Variants in NTNG1 observed in about 807,000 individuals in gnomAD.
NTNG1 encodes netrin G1, also known as netrin-G1.
In NTNG1, 16 loss-of-function variants were observed where a neutral mutation model predicts 54.0. The ratio of observed to expected loss-of-function variants is 0.30; its 90% CI spans 0.20 to 0.45. NTNG1 has a LOEUF of 0.45. Among genes scored for constraint, NTNG1 ranks in the 20% least tolerant of loss-of-function variants. NTNG1 has a pLI of 1.00. For missense variants in NTNG1, 530 were observed against 678.7 expected (o/e 0.78, Z 2.43); for synonymous variants, 255 against 263.1 (o/e 0.97, Z 0.30).
intron 2 of NTNG1, among the ~76,000 whole-genome samples, chr1:107,268,655 T>A (rs1226550329): frequency 6.6e-6 from 1 of 152,116 alleles, no homozygotes; most frequent in Non-Finnish European, 1.5e-5. Context: ...CAGACCTCAC[T>A]ACTGAACTCC....
At chr1:107,166,261 T>G (rs927898585) in intron 2 of NTNG1, among the ~76,000 whole-genome samples, 3 of 152,172 alleles carry the variant, frequency 2.0e-5, no homozygotes, top group Non-Finnish European at 4.4e-5. Context: ...AACTGCAAAG[T>G]CTTGTATTTC....
intron 2 of NTNG1, among the ~76,000 whole-genome samples, chr1:107,273,971 T>G (rs1338398603): frequency 2.5e-5 from 2 of 79,134 alleles, no homozygotes; most frequent in Non-Finnish European, 5.6e-5. Context: ...AATTTGAGAA[T>G]TAAAGCAAAG....
chr1:107,407,821 A>G lies in NTNG1; in HGVS notation c.1087+113A>G, dbSNP rs368211163. The G allele has an allele frequency of 9.7e-6, 9 of 927,300 alleles. No individual in the cohort carries two copies. The African/African-American group carries it at 9.7e-5, about 10-fold the overall frequency. 57.4% of individuals were successfully genotyped at this position (927,300 alleles called of 1,614,324 possible). A position where few individuals can be genotyped will look rare whatever the true frequency, so the allele number is the denominator to read the frequency against. ...GTGTCCATTTCTGATGTAATAGGGT[A>G]TTTTCTTTGTGAATTGCATTTTTGT... On this transcript the variant is annotated intron_variant, in intron 5 of 7. Coordinates refer to ENST00000370068, the MANE Select transcript of NTNG1 (RefSeq NM_001113226.3).
intron 2 of NTNG1, among the ~76,000 whole-genome samples, chr1:107,198,619 A>G (rs180988599): frequency 6.6e-6 from 1 of 151,966 alleles, no homozygotes; most frequent in Non-Finnish European, 1.5e-5. Flanking sequence ...TAAACATGTA[A>G]GAGAAAGAAC....
rs544534660 is a variant in NTNG1, at chr1:107,270,765, T to C, written c.247-53517T>C. ...TGCAGTGCTTGCTCCTTTCTCTGAG[T>C]CATGGTCTGACATATTTCTTTGAAC... On this transcript the variant is annotated intron_variant, in intron 2 of 7. Transcript: ENST00000370068. Among the ~76,000 whole-genome samples, 392 of 134,756 alleles carry C rather than the reference T, an allele frequency of 2.9e-3. 1 individual carries two copies. Among genetic ancestry groups the C allele is most frequent in the Admixed American group, 4.3e-3 (53 of 12,372 alleles). 88.4% of individuals were successfully genotyped at this position (134,756 alleles called of 152,430 possible).
At chr1:107,450,074 G>A (rs1676532480) in intron 7 of NTNG1, among the ~76,000 whole-genome samples, 1 of 151,994 alleles carries the variant, frequency 6.6e-6, no homozygotes, top group Non-Finnish European at 1.5e-5. Context: ...TTTATGTTCA[G>A]TTATGTTTTT....
intron 6 of NTNG1, among the ~76,000 whole-genome samples, chr1:107,435,301 T>C (rs535052): frequency 0.97 from 147,151 of 152,238 alleles, 71,302 homozygotes; most frequent in East Asian, 1. Context: ...CATATACACA[T>C]GCATATTAAA....
chr1:107,308,048 A>G (rs1010193833), intron 2 of NTNG1, among the ~76,000 whole-genome samples: 1 of 151,794 alleles, frequency 6.6e-6, no homozygotes, highest in African/African-American at 2.4e-5. Context: ...TAAGTTCCTT[A>G]TAGATGCTGT....
rs147796224 is a variant in NTNG1 at position 107,419,239 on chromosome 1, CCT to C, written c.1088-11492_1088-11491del. On this transcript the variant is annotated intron_variant, in intron 5 of 7. Transcript: ENST00000370068. ...TCCCTCTCCCCGCTACCTCCTCCCT[CCT>C]CTCTCTCTCTCTCTCTCTGTCTTTC... Among the ~76,000 whole-genome samples, 1,907 of 147,754 alleles carry C rather than the reference CCT, an allele frequency of 0.013. 83 individuals are homozygous for C. In the East Asian group the frequency reaches 0.17, roughly 13 times the overall value.
intron 2 of NTNG1, among the ~76,000 whole-genome samples, chr1:107,166,090 A>G (rs1261502621): frequency 6.6e-6 from 1 of 152,224 alleles, no homozygotes; most frequent in Non-Finnish European, 1.5e-5. Context: ...CCAGCACTAC[A>G]TGTAAATAGC....
intron 2 of NTNG1, among the ~76,000 whole-genome samples, chr1:107,227,507 G>C (rs1294811723): frequency 6.6e-6 from 1 of 152,004 alleles, no homozygotes; most frequent in Non-Finnish European, 1.5e-5. Context: ...GGTTTGACTA[G>C]CTGGCTCCTC....
In NTNG1 at chr1:107,464,937, T is replaced by C. The variant is rs150443292; in HGVS notation, c.1391-15674T>C. On this transcript the variant is annotated intron_variant, in intron 7 of 7. Coordinates refer to ENST00000370068, the MANE Select transcript of NTNG1 (RefSeq NM_001113226.3). ...GAAGGATGGGCCCCACGTCTCTCCA[T>C]AGGCTTATGTGGTGTTTCTCTCCAG... 1.9e-3 allele frequency among the ~76,000 whole-genome samples: 282 copies of C among 152,288 alleles called. 1 individual carries two copies. Among genetic ancestry groups the C allele is most frequent in the South Asian group, 0.012 (58 of 4,826 alleles).
chr1:107,187,618 G>T (rs577689865), intron 2 of NTNG1, among the ~76,000 whole-genome samples: 2 of 152,258 alleles, frequency 1.3e-5, no homozygotes, highest in East Asian at 3.9e-4. Flanking sequence ...ACATACATTG[G>T]TGTGAGGGTT....
intron 2 of NTNG1, among the ~76,000 whole-genome samples, chr1:107,197,100 T>C (rs1412939017): frequency 6.6e-6 from 1 of 152,048 alleles, no homozygotes; most frequent in Non-Finnish European, 1.5e-5. Context: ...ATTGTTTATG[T>C]GAAACATTTT....
At chr1:107,374,626 A>G (rs1671119227) in intron 3 of NTNG1, among the ~76,000 whole-genome samples, 1 of 152,122 alleles carries the variant, frequency 6.6e-6, no homozygotes. Flanking sequence ...AACATATAGA[A>G]TACAATTATA....
At chr1:107,251,477 C>T (rs925356754) in intron 2 of NTNG1, among the ~76,000 whole-genome samples, 2 of 152,046 alleles carry the variant, frequency 1.3e-5, no homozygotes, top group African/African-American at 2.4e-5. Flanking sequence ...TCAGCTTTAC[C>T]TCTCAGCCAC....
At chr1:107,305,275 T>C (rs963083294) in intron 2 of NTNG1, among the ~76,000 whole-genome samples, 2 of 152,154 alleles carry the variant, frequency 1.3e-5, no homozygotes, top group Non-Finnish European at 2.9e-5. Flanking sequence ...CTGGGTCAAA[T>C]GGTATTTCTG....
intron 6 of NTNG1, among the ~76,000 whole-genome samples, chr1:107,431,746 T>C (rs1275271658): frequency 6.6e-6 from 1 of 152,186 alleles, no homozygotes; most frequent in South Asian, 2.1e-4. Flanking sequence ...TAATTCACTC[T>C]GAAGCAATGC....
At chr1:107,473,676 G>A (rs1455391589) in intron 7 of NTNG1, among the ~76,000 whole-genome samples, 1 of 152,224 alleles carries the variant, frequency 6.6e-6, no homozygotes, top group Non-Finnish European at 1.5e-5. Context: ...AGAAGTAAGA[G>A]AGGAAGAAAT....
Sources: allele counts gnomAD v4.1 joint callset (sites outside exome capture counted in the v4.1 genomes callset), GRCh38; gene constraint gnomAD v4.1.1; transcripts MANE v1.5; gene names NCBI Gene and HGNC (gene_info 2026-07-23, HGNC 2026-07-21).